LRP1: variants seen among roughly 807,000 people sequenced by gnomAD.
The protein encoded by LRP1 is LDL receptor related protein 1.
In LRP1, 51 loss-of-function variants were observed where a neutral mutation model predicts 541.5. That is an observed-to-expected ratio of 0.09 (90% CI 0.08 to 0.12). The LOEUF (loss-of-function observed/expected upper bound fraction) is 0.12, where lower values mean the gene tolerates loss of function less well. Among genes scored for constraint, LRP1 ranks in the 10% least tolerant of loss-of-function variants. The pLI, the probability that LRP1 is intolerant of heterozygous loss-of-function variation, is 1.00. For missense variants in LRP1, 3,878 were observed against 6,376.2 expected (o/e 0.61, Z 13.34); for synonymous variants, 2,219 against 2,470.8 (o/e 0.90, Z 3.02).
Position 57,185,627 on chromosome 12 carries a change from T to C in LRP1, c.6560T>C (p.Leu2187Pro). 6 of 1,611,800 alleles carry C rather than the reference T, an allele frequency of 3.7e-6. No homozygotes were observed. The highest frequency in any genetic ancestry group is 5.1e-6 in the Non-Finnish European group (6 of 1,179,898). ...GCCTGCGCCTGTGCCCACGGGATGC[T>C]GGCTGAAGACGGAGCATCGTGCCGC... ...QRACACAHGM[L>P]AEDGASCREY... Residue 2187 changes from leucine to proline, a missense_variant, in exon 41 of 89, where the codon CTG becomes CCG. Transcript: ENST00000243077. The surrounding 1 kb of genome is among the most constrained non-coding windows in gnomAD (Gnocchi z 4.9).
rs376742154 is a variant in LRP1 at position 57,178,633 on chromosome 12, A to T, written c.4606+30A>T. ...GGGGCTCGGGGCCTCGAGCAGCCGGAAGGGAGCCAGCAGCCTCTTTAGAAG... is the reference window on the plus strand; with the variant it reads ...GGGGCTCGGGGCCTCGAGCAGCCGGTAGGGAGCCAGCAGCCTCTTTAGAAG... On this transcript the variant is annotated intron_variant, in intron 27 of 88. Transcript: ENST00000243077. This position sits in a 1 kb window ranked among gnomAD's most constrained non-coding sequence, Gnocchi z 5.8. 75 of 1,613,204 alleles carry T rather than the reference A, an allele frequency of 4.6e-5. No homozygotes were observed. In the African/African-American group the frequency reaches 9.3e-4, roughly 20 times the overall value.
intron 76 of LRP1, among the ~76,000 whole-genome samples, chr12:57,207,580 G>A (rs1400161056): frequency 1.3e-5 from 2 of 152,264 alleles, no homozygotes; most frequent in East Asian, 1.9e-4. Context: ...GAGGGGCAAA[G>A]GTTGAGAGTG....
rs2034976740 is a variant in LRP1, at chr12:57,128,977, C to A, written c.13C>A (p.Pro5Thr). The A allele has an allele frequency of 3.9e-6, 6 of 1,551,194 alleles. No individual in the cohort carries two copies. The highest frequency in any genetic ancestry group is 5.2e-6 in the Non-Finnish European group (6 of 1,146,678). MLTP[P>T]LLLLLPLLSA... ...ATCAGCCCACACCATGCTGACCCCG[C>A]CGTTGCTCCTGCTGCTGCCCCTGCT... The change falls in exon 1 of 89, where the codon CCG (proline) becomes ACG (threonine). Residue 5 changes from proline to threonine, a missense_variant. Transcript: ENST00000243077.
At chr12:57,163,110 C>A in intron 15 of LRP1, 127 bp downstream of exon 15, 4 of 1,304,268 alleles carry the variant, frequency 3.1e-6, no homozygotes, top group Non-Finnish European at 4.1e-6. Flanking sequence ...CTTAGGGGGC[C>A]AACAGGAAGC....
chr12:57,158,863 A>G lies in LRP1; in HGVS notation c.1798+225A>G, dbSNP rs2035674866. On this transcript the variant is annotated intron_variant, in intron 11 of 88. Coordinates refer to ENST00000243077, the MANE Select transcript of LRP1 (RefSeq NM_002332.3). This position sits in a 1 kb window ranked among gnomAD's most constrained non-coding sequence, Gnocchi z 5.3. The stretch of plus-strand genomic sequence containing the variant: ...TTAGGCAGCATGGGCCGTCCTTGCC[A>G]GCCCTTGGGAAAACTCAGGGTCTGT... Among the ~76,000 whole-genome samples the G allele has an allele frequency of 6.6e-6, 1 of 152,164 alleles. No homozygotes were observed.
At chr12:57,202,395 A>G (rs1225713694) in intron 67 of LRP1, 26 bp from the exon 68 acceptor site, 1 of 1,550,466 alleles carries the variant, frequency 6.4e-7, no homozygotes, top group African/African-American at 1.4e-5. Context: ...CCTTTCCCTG[A>G]CTGCCCTGAC....
At position 57,199,920 on chromosome 12, in the gene LRP1, C is replaced by T. The variant is rs201012424; in HGVS notation, c.9909C>T (p.Asn3303=). Residue 3303 remains asparagine (N), a synonymous_variant, in exon 62 of 89, where the codon AAC becomes AAT. Coordinates refer to ENST00000243077, the MANE Select transcript of LRP1 (RefSeq NM_002332.3). ...PCKVNNGGCS[N]LCLLSPGGGH... Reference sequence around the variant, plus strand: ...AGGTCAACAATGGTGGCTGCAGCAACCTGTGCCTGCTGTCCCCCGGGGGAG... The same window carrying T: ...AGGTCAACAATGGTGGCTGCAGCAATCTGTGCCTGCTGTCCCCCGGGGGAG... 217 of 1,596,368 alleles carry T rather than the reference C, an allele frequency of 1.4e-4. 1 individual carries two copies. In the Middle Eastern group the frequency reaches 1.7e-3, roughly 12 times the overall value.
chr12:57,200,823 G>T lies in LRP1; in HGVS notation c.10225+8G>T, dbSNP rs766779347. The T allele has an allele frequency of 6.2e-7, 1 of 1,605,392 alleles. No homozygotes were observed. The highest frequency in any genetic ancestry group is 8.5e-7 in the Non-Finnish European group (1 of 1,173,550). ...GTGACGAGGCCAACTGTGGTAAGGC[G>T]CTGCCCGCCCACCCTCCCTCCTTCC... On this transcript the variant is annotated splice_region_variant and intron_variant, in intron 64 of 88. Coordinates refer to ENST00000243077, the MANE Select transcript of LRP1 (RefSeq NM_002332.3).
chr12:57,190,037 C>T (rs919372295), intron 42 of LRP1, among the ~76,000 whole-genome samples: 3 of 152,156 alleles, frequency 2.0e-5, no homozygotes, highest in Non-Finnish European at 4.4e-5. Flanking sequence ...TGGCTGTTCC[C>T]ATTGCCTCCT....
In LRP1 at chr12:57,156,009, G is replaced by T. The variant is rs970841442; in HGVS notation, c.1228-85G>T. The T allele has an allele frequency of 1.2e-5, 13 of 1,087,848 alleles. No individual in the cohort carries two copies. The highest frequency in any genetic ancestry group is 1.8e-5 in the Non-Finnish European group (13 of 730,614). The allele number at this position is 1,087,848 out of a possible 1,614,324, so 67.4% of individuals were successfully genotyped here. ...TGAATTGGGGAATGCAGGTCATGAA[G>T]TCTGGAGGAAGCTGAGGGGATCTCC... On this transcript the variant is annotated intron_variant, in intron 8 of 88. Transcript: ENST00000243077. The surrounding 1 kb of genome is among the most constrained non-coding windows in gnomAD (Gnocchi z 5.2).
chr12:57,175,806 C>T, intron 23 of LRP1, 101 bp downstream of exon 23: 2 of 1,561,934 alleles, frequency 1.3e-6, no homozygotes, highest in Non-Finnish European at 1.7e-6. Flanking sequence ...GTTTTCCACC[C>T]TAGCCCCCAG....
chr12:57,153,238 G>A (rs2035558538), intron 6 of LRP1, among the ~76,000 whole-genome samples: 5 of 151,928 alleles, frequency 3.3e-5, no homozygotes, highest in Admixed American at 2.0e-4. Context: ...GGAAGCCAGT[G>A]GTCCTGGAGA....
At position 57,197,727 on chromosome 12, in the gene LRP1, C is replaced by T. The variant is rs2136734721; in HGVS notation, c.9282+63C>T. 1 of 1,586,244 alleles carries T rather than the reference C, an allele frequency of 6.3e-7. No homozygotes were observed. The highest frequency in any genetic ancestry group is 8.6e-7 in the Non-Finnish European group (1 of 1,168,180). ...CCTCAGATGACTGTTTTCAGATCGTCTCTCCTTCCCGCCCCACCAACCCAA... is the reference window on the plus strand; with the variant it reads ...CCTCAGATGACTGTTTTCAGATCGTTTCTCCTTCCCGCCCCACCAACCCAA... On this transcript the variant is annotated intron_variant, in intron 58 of 88. Coordinates refer to ENST00000243077, the MANE Select transcript of LRP1 (RefSeq NM_002332.3). This position sits in a 1 kb window ranked among gnomAD's most constrained non-coding sequence, Gnocchi z 4.5.
chr12:57,201,577 G>T lies in LRP1; in HGVS notation c.10426G>T (p.Asp3476Tyr). The T allele has an allele frequency of 6.2e-7, 1 of 1,614,076 alleles. No individual in the cohort carries two copies. Among genetic ancestry groups the T allele is most frequent in the Non-Finnish European group, 8.5e-7 (1 of 1,179,974 alleles). Residue 3476 changes from aspartate (D) to tyrosine (Y), a missense_variant, in exon 66 of 89, where the codon GAC (aspartate) becomes TAC (tyrosine). This residue lies in a region of LRP1 where 278 missense variants were observed against 536.3 expected (regional missense o/e 0.52). Coordinates refer to ENST00000243077, the MANE Select transcript of LRP1 (RefSeq NM_002332.3). This position sits in a 1 kb window ranked among gnomAD's most constrained non-coding sequence, Gnocchi z 6.4. ...CIPRVWVCDR[D>Y]NDCVDGSDEP... ...CCCCCGGGTCTGGGTCTGCGACCGG[G>T]ACAATGACTGTGTGGATGGCAGTGA...
rs2036867729 is a variant in LRP1, at chr12:57,209,826, G to A, written c.12397G>A (p.Ala4133Thr). ...LVNLTGGLSH[A>T]SDVVLYHQHK... is the part of the protein sequence containing the mutation. Reference sequence around the variant, plus strand: ...CAACCTGACAGGGGGCCTGAGCCACGCCTCTGACGTGGTCCTTTACCATCA... The same window carrying A: ...CAACCTGACAGGGGGCCTGAGCCACACCTCTGACGTGGTCCTTTACCATCA... The change falls in exon 80 of 89, where the codon GCC becomes ACC. Residue 4133 changes from alanine to threonine, a missense_variant. By Grantham distance (58) the Ala-to-Thr change is moderately conservative. Coordinates refer to ENST00000243077, the MANE Select transcript of LRP1 (RefSeq NM_002332.3). The A allele has an allele frequency of 1.2e-6, 2 of 1,614,064 alleles. No homozygotes were observed. The highest frequency in any genetic ancestry group is 8.5e-7 in the Non-Finnish European group (1 of 1,180,036).
Position 57,167,533 on chromosome 12 carries a change from T to A in LRP1, c.2995+9T>A. 4 of 1,611,294 alleles carry A rather than the reference T, an allele frequency of 2.5e-6. No individual in the cohort carries two copies. Among genetic ancestry groups the A allele is most frequent in the Non-Finnish European group, 3.4e-6 (4 of 1,177,454 alleles). ...CTGGAGATGCGACAATGGTAAGAGC[T>A]TGCTCTCCTCACCTGCTGATTCCTA... On this transcript the variant is annotated intron_variant, in intron 19 of 88. Coordinates refer to ENST00000243077, the MANE Select transcript of LRP1 (RefSeq NM_002332.3).
chr12:57,198,579 G>A lies in LRP1; in HGVS notation c.9585G>A (p.Thr3195=), dbSNP rs764778285. ...DTKITWPNGL[T]LDYVTERIYW... is the part of the protein sequence containing the mutation. Reference sequence around the variant, plus strand: ...AGATCACATGGCCCAATGGCCTGACGCTGGACTATGTCACTGAGCGCATCT... The same window carrying A: ...AGATCACATGGCCCAATGGCCTGACACTGGACTATGTCACTGAGCGCATCT... The change falls in exon 60 of 89, where the codon ACG becomes ACA. Residue 3195 remains threonine, a synonymous_variant. Coordinates refer to ENST00000243077, the MANE Select transcript of LRP1 (RefSeq NM_002332.3). 18 of 1,613,888 alleles carry A rather than the reference G, an allele frequency of 1.1e-5. No homozygotes were observed. Among genetic ancestry groups the A allele is most frequent in the South Asian group, 1.1e-4 (10 of 91,038 alleles).
intron 41 of LRP1, among the ~76,000 whole-genome samples, chr12:57,186,680 TG>T (rs1157141817): frequency 2.6e-5 from 4 of 152,216 alleles, no homozygotes; most frequent in African/African-American, 9.7e-5. Flanking sequence ...CAGGAGAGAC[TG>T]GCACATCAAT....
At chr12:57,149,098 G>A in intron 6 of LRP1, 1 of 519,306 alleles carries the variant, frequency 1.9e-6, no homozygotes, top group Non-Finnish European at 3.4e-6. Context: ...GCTGCTGGAA[G>A]GGGTGCTACC....
Sources: gnomAD v4.1 joint callset for allele counts (sites outside exome capture counted in the v4.1 genomes callset) on GRCh38, gnomAD v4.1.1 for gene constraint, gnomAD v4.1.1 regional missense constraint, Gnocchi (gnomAD v3.1) non-coding constraint, MANE v1.5 for transcripts, NCBI Gene and HGNC (gene_info 2026-07-23, HGNC 2026-07-21) for gene names.